Variants in SASH1 observed in about 807,000 individuals in gnomAD.
The protein encoded by SASH1 is SAM and SH3 domain containing 1.
In SASH1, 44 loss-of-function variants were observed where a neutral mutation model predicts 125.2. The ratio of observed to expected loss-of-function variants is 0.35; its 90% CI spans 0.28 to 0.45. The LOEUF is 0.45. SASH1 is among the 20% of genes least tolerant of loss of function. The pLI, the probability that SASH1 is intolerant of heterozygous loss-of-function variation, is 1.00. For synonymous variants in SASH1, 639 were observed against 649.1 expected (o/e 0.98, Z 0.24); for missense variants, 1,426 against 1,614.5 (o/e 0.88, Z 2.00).
At chr6:148,381,683 T>A (rs1178839848) in intron 1 of SASH1, among the ~76,000 whole-genome samples, 1 of 135,986 alleles carries the variant, frequency 7.4e-6, no homozygotes, top group Non-Finnish European at 1.5e-5. Context: ...TGGAGTGCAG[T>A]GGCGCAATAA....
chr6:148,199,530 T>A, the SASH1 span, among the ~76,000 whole-genome samples: 2 of 152,044 alleles, frequency 1.3e-5, no homozygotes, highest in Admixed American at 1.3e-4. Context: ...AGACCCCATC[T>A]CTATAAAAAG....
chr6:148,342,972 G>C lies in SASH1; in HGVS notation c.-96G>C. 1.0e-6 allele frequency: 1 copy of C among 992,334 alleles called. No individual in the cohort carries two copies. The highest frequency in any genetic ancestry group is 1.2e-6 in the Non-Finnish European group (1 of 832,314). The allele number at this position is 992,334 out of a possible 1,614,324, so 61.5% of individuals were successfully genotyped here. A position where few individuals can be genotyped will look rare whatever the true frequency, so the allele number is the denominator to read the frequency against. Reference sequence around the variant, plus strand: ...CGCGGGGGCGCGGCTCGGTGACGCCGCGGGCGGGGACCCGGCATCCGGGCA... The same window carrying C: ...CGCGGGGGCGCGGCTCGGTGACGCCCCGGGCGGGGACCCGGCATCCGGGCA... On this transcript the variant is annotated 5_prime_UTR_variant, in exon 1 of 20. Transcript: ENST00000367467.
chr6:148,194,703 C>A, the SASH1 span, among the ~76,000 whole-genome samples: 1 of 152,270 alleles, frequency 6.6e-6, no homozygotes, highest in African/African-American at 2.4e-5. Context: ...GTCAGGAGAT[C>A]GAGACCATCC....
At chr6:148,438,658 C>T (rs1023306051) in intron 2 of SASH1, among the ~76,000 whole-genome samples, 1 of 149,508 alleles carries the variant, frequency 6.7e-6, no homozygotes, top group Non-Finnish European at 1.5e-5. Flanking sequence ...TCTTTCTGGC[C>T]GCTTGTCTAC....
At chr6:148,271,217 A>G (rs956898034), upstream of SASH1, among the ~76,000 whole-genome samples, 2 of 152,058 alleles carry the variant, frequency 1.3e-5, no homozygotes, top group African/African-American at 4.8e-5. Context: ...GCTCATCCAC[A>G]ACTCCTAATA....
At chr6:148,434,062 GATTTTTTTTTTTT>G (rs1293048217) in intron 2 of SASH1, among the ~76,000 whole-genome samples, 2 of 120,290 alleles carry the variant, frequency 1.7e-5, no homozygotes, top group African/African-American at 6.2e-5. Context: ...GGGAACTGGA[GATTTTTTTTTTTT>G]TTTTTTTTTT....
intron 1 of SASH1, among the ~76,000 whole-genome samples, chr6:148,307,082 TTC>T (rs1225687075): frequency 8.1e-6 from 1 of 123,968 alleles, no homozygotes; most frequent in African/African-American, 3.4e-5. Context: ...CTTTCTTTCT[TTC>T]TTTCTTTCTT....
chr6:148,250,645 A>G, the SASH1 span, among the ~76,000 whole-genome samples: 4 of 152,182 alleles, frequency 2.6e-5, no homozygotes, highest in East Asian at 7.7e-4. Flanking sequence ...AGTGGCTGTA[A>G]TTGAACATTC....
At chr6:148,539,046 G>C (rs571721004) in intron 16 of SASH1, among the ~76,000 whole-genome samples, 4 of 151,124 alleles carry the variant, frequency 2.6e-5, no homozygotes, top group South Asian at 4.2e-4. Context: ...GGCTTTCCAC[G>C]TGATTTACTT....
chr6:148,414,644 T>C lies in SASH1; in HGVS notation c.285+24382T>C, dbSNP rs1784750081. Among the ~76,000 whole-genome samples, 3 of 152,290 alleles carry C rather than the reference T, an allele frequency of 2.0e-5. No individual in the cohort carries two copies. In the South Asian group the frequency reaches 6.2e-4, roughly 32 times the overall value. On this transcript the variant is annotated intron_variant, in intron 2 of 19. Coordinates refer to ENST00000367467, the MANE Select transcript of SASH1 (RefSeq NM_015278.5). ...GAGGGAAGTGGGTAGTGTCTGCTCTTGTGGAGCTTACATTCTTTTTTTTTA... is the reference window on the plus strand; with the variant it reads ...GAGGGAAGTGGGTAGTGTCTGCTCTCGTGGAGCTTACATTCTTTTTTTTTA...
intron 1 of SASH1, among the ~76,000 whole-genome samples, chr6:148,381,086 T>A (rs561399838): frequency 6.6e-6 from 1 of 152,278 alleles, no homozygotes; most frequent in Admixed American, 6.5e-5. Context: ...TCATCATACG[T>A]GAAAATCACT....
intron 2 of SASH1, among the ~76,000 whole-genome samples, chr6:148,393,041 ATTTTTTTTTT>A (rs11368073): frequency 1.3e-5 from 1 of 78,124 alleles, no homozygotes; most frequent in African/African-American, 5.6e-5. Context: ...GAATGTTTCA[ATTTTTTTTTT>A]TTTTTTTTTT....
Position 148,519,963 on chromosome 6 carries a change from G to A in SASH1, c.1209+70G>A. On this transcript the variant is annotated intron_variant, in intron 10 of 19. Coordinates refer to ENST00000367467, the MANE Select transcript of SASH1 (RefSeq NM_015278.5). The surrounding 1 kb of genome is among the most constrained non-coding windows in gnomAD (Gnocchi z 4.8). ...GCACCACCTTCTGGTGTCCCTGGAG[G>A]AGTTTCAGAGTGTCCGGAAGCAAAT... is the stretch of plus-strand genomic sequence containing the variant. The A allele has an allele frequency of 9.5e-7, 1 of 1,053,088 alleles. No homozygotes were observed. Among genetic ancestry groups the A allele is most frequent in the East Asian group, 2.6e-5 (1 of 38,356 alleles). The allele number at this position is 1,053,088 out of a possible 1,614,324, so 65.2% of individuals were successfully genotyped here. A position where few individuals can be genotyped will look rare whatever the true frequency, so the allele number is the denominator to read the frequency against.
intron 1 of SASH1, among the ~76,000 whole-genome samples, chr6:148,381,554 G>A (rs572665851): frequency 1.3e-5 from 2 of 150,954 alleles, no homozygotes; most frequent in East Asian, 3.9e-4. Flanking sequence ...CTAAAATAGA[G>A]ACAGTGTGGG....
intron 1 of SASH1, among the ~76,000 whole-genome samples, chr6:148,359,545 G>C (rs2071112885): frequency 2.0e-5 from 3 of 152,134 alleles, no homozygotes; most frequent in African/African-American, 4.8e-5. Flanking sequence ...TACTCCTGGT[G>C]AAGATGATGT....
intron 7 of SASH1, chr6:148,479,502 C>G (rs1354195207): frequency 1.8e-5 from 3 of 166,812 alleles, no homozygotes; most frequent in Admixed American, 5.9e-5. Context: ...TTAAAGTAGC[C>G]CACTTTAGAC....
At chr6:148,425,843 T>C (rs1434750214) in intron 2 of SASH1, among the ~76,000 whole-genome samples, 1 of 150,946 alleles carries the variant, frequency 6.6e-6, no homozygotes, top group Non-Finnish European at 1.5e-5. Flanking sequence ...GTGATTCTCC[T>C]GCCTCAGCCT....
chr6:148,476,026 A>T (rs573824991), intron 7 of SASH1, among the ~76,000 whole-genome samples: 116 of 152,192 alleles, frequency 7.6e-4, no homozygotes, highest in Non-Finnish European at 1.4e-3. Context: ...ATCAGGCAAG[A>T]GAGAGAAATA....
At chr6:148,240,171 T>C in the SASH1 span, 4 of 152,104 alleles carry the variant, frequency 2.6e-5, no homozygotes, top group African/African-American at 9.7e-5. Context: ...GCTTTTTTTT[T>C]TTTTTTAACC....
Sources: gnomAD v4.1 joint callset for allele counts (sites outside exome capture counted in the v4.1 genomes callset) on GRCh38, gnomAD v4.1.1 for gene constraint, Gnocchi (gnomAD v3.1) non-coding constraint, MANE v1.5 for transcripts, NCBI Gene and HGNC (gene_info 2026-07-23, HGNC 2026-07-21) for gene names.